The following AGBL1 variants were observed in gnomAD, a reference collection of about 807,000 sequenced individuals.
AGBL1 encodes AGBL carboxypeptidase 1, also known as cytosolic carboxypeptidase 4.
A neutral mutation model predicts 118.9 loss-of-function variants in AGBL1; 130 were observed. That is an observed-to-expected ratio of 1.09 (90% CI 0.95 to 1.26). The LOEUF (loss-of-function observed/expected upper bound fraction) is 1.26, where lower values mean the gene tolerates loss of function less well. AGBL1 is among the 50% of genes most tolerant of loss of function. The pLI is 0.00. For missense variants in AGBL1, 1,584 were observed against 1,298.1 expected (o/e 1.22, Z -3.38); for synonymous variants, 555 against 478.9 (o/e 1.16, Z -2.08).
At chr15:86,481,160 T>C (rs2082647342) in intron 18 of AGBL1, among the ~76,000 whole-genome samples, 2 of 151,718 alleles carry the variant, frequency 1.3e-5, no homozygotes, top group Admixed American at 1.3e-4. Context: ...GTCATTTTTC[T>C]GTCTCATTGG....
chr15:86,096,404 T>G (rs1896385298), intron 1 of AGBL1, among the ~76,000 whole-genome samples: 1 of 152,162 alleles, frequency 6.6e-6, no homozygotes, highest in South Asian at 2.1e-4. Flanking sequence ...TTTCTTTATG[T>G]GATACAGTGA....
At chr15:86,539,274 A>G (rs1227392279) in intron 19 of AGBL1, among the ~76,000 whole-genome samples, 1 of 152,170 alleles carries the variant, frequency 6.6e-6, no homozygotes, top group Non-Finnish European at 1.5e-5. Flanking sequence ...TGTTTACTTA[A>G]TCTGGAAATC....
chr15:86,175,719 A>G (rs1273725235), intron 5 of AGBL1, among the ~76,000 whole-genome samples: 1 of 152,178 alleles, frequency 6.6e-6, no homozygotes, highest in Non-Finnish European at 1.5e-5. Flanking sequence ...TTATTTCAAG[A>G]ATTTTTAAAT....
At chr15:86,184,931 G>A (rs1442297325) in intron 5 of AGBL1, among the ~76,000 whole-genome samples, 1 of 152,092 alleles carries the variant, frequency 6.6e-6, no homozygotes, top group East Asian at 1.9e-4. Context: ...TCTAATTAAA[G>A]AGCTTCTGCA....
intron 22 of AGBL1, among the ~76,000 whole-genome samples, chr15:86,806,226 C>G (rs1596498966): frequency 6.6e-6 from 1 of 152,220 alleles, no homozygotes; most frequent in East Asian, 1.9e-4. Flanking sequence ...CATAGACATA[C>G]TATAGATCAA....
chr15:86,572,179 G>T (rs112461741), intron 21 of AGBL1, among the ~76,000 whole-genome samples: 3 of 152,150 alleles, frequency 2.0e-5, no homozygotes, highest in Non-Finnish European at 4.4e-5. Flanking sequence ...TTCCGGGCCC[G>T]CAGGGGGAAG....
At chr15:86,856,644 G>A (rs142955911) in intron 22 of AGBL1, among the ~76,000 whole-genome samples, 1 of 152,320 alleles carries the variant, frequency 6.6e-6, no homozygotes, top group Non-Finnish European at 1.5e-5. Context: ...GTCCTTCACA[G>A]CAAAGCACAG....
intron 21 of AGBL1, among the ~76,000 whole-genome samples, chr15:86,635,808 A>G (rs2085072744): frequency 1.3e-5 from 2 of 152,204 alleles, no homozygotes; most frequent in African/African-American, 2.4e-5. Context: ...AGATTAAAAA[A>G]CATAATTTAT....
chr15:86,496,354 T>C (rs2082855558), intron 18 of AGBL1, among the ~76,000 whole-genome samples: 1 of 152,040 alleles, frequency 6.6e-6, no homozygotes, highest in Admixed American at 6.6e-5. Flanking sequence ...CCTCTTTTGT[T>C]TGTAAATCAC....
chr15:86,340,810 C>A lies in AGBL1; in HGVS notation c.2374+45402C>A, dbSNP rs192587002. On this transcript the variant is annotated intron_variant, in intron 17 of 22. Transcript: ENST00000614907. ...GGTTTTCCACTAATCCTCTGATGAT[C>A]CCCAAAGGAGGTGGCCTCTACCTTG... is the stretch of plus-strand genomic sequence containing the variant. Among the ~76,000 whole-genome samples, 24 of 152,230 alleles carry A rather than the reference C, an allele frequency of 1.6e-4. No individual in the cohort carries two copies. In the East Asian group the frequency reaches 4.1e-3, roughly 26 times the overall value.
rs547818294 is a variant in AGBL1, at chr15:86,642,127, C to T, written c.2995-32146C>T. The stretch of plus-strand genomic sequence containing the variant: ...AAAGCAAATCACACAAGCTCAACCT[C>T]AATGAAACAGGGAAATATATTTGGA... On this transcript the variant is annotated intron_variant, in intron 21 of 22. Transcript: ENST00000614907. Among the ~76,000 whole-genome samples, 8 of 152,206 alleles carry T rather than the reference C, an allele frequency of 5.3e-5. No homozygotes were observed. The South Asian group carries it at 1.4e-3, about 28-fold the overall frequency.
At chr15:86,828,914 GTA>G (rs3059643) in intron 22 of AGBL1, among the ~76,000 whole-genome samples, 10,693 of 141,668 alleles carry the variant, frequency 0.075, 426 homozygotes, top group East Asian at 0.19. Flanking sequence ...AAGTTCAAAA[GTA>G]TATATATATA....
At chr15:86,198,027 A>T (rs1254589983) in intron 5 of AGBL1, among the ~76,000 whole-genome samples, 3 of 152,180 alleles carry the variant, frequency 2.0e-5, no homozygotes, top group Admixed American at 6.5e-5. Flanking sequence ...CAAGAGGCCA[A>T]GCTATCTCTT....
chr15:86,255,788 A>AT (rs2078885903), intron 7 of AGBL1, among the ~76,000 whole-genome samples: 1 of 152,138 alleles, frequency 6.6e-6, no homozygotes. Context: ...TAAAAAAAAA[A>AT]GAAAGTTGAC....
rs565509867 is a variant in AGBL1, at chr15:86,285,895, CT to C, written c.2220+6117del. Among the ~76,000 whole-genome samples, 670 of 152,262 alleles carry C rather than the reference CT, an allele frequency of 4.4e-3. 3 individuals are homozygous for C. The highest frequency in any genetic ancestry group is 0.015 in the African/African-American group (642 of 41,552). ...TCATGTGCCCTATGATACTTTTTGA[CT>C]TTTTGTCTCTCATAGCTAATACTGC... On this transcript the variant is annotated intron_variant, in intron 16 of 22. Transcript: ENST00000614907.
At chr15:86,625,600 T>C (rs2084875426) in intron 21 of AGBL1, among the ~76,000 whole-genome samples, 1 of 152,014 alleles carries the variant, frequency 6.6e-6, no homozygotes, top group Non-Finnish European at 1.5e-5. Flanking sequence ...AGAATATATT[T>C]GAATAAGTCT....
intron 17 of AGBL1, among the ~76,000 whole-genome samples, chr15:86,321,567 G>A (rs2080105777): frequency 6.6e-6 from 1 of 151,286 alleles, no homozygotes; most frequent in Non-Finnish European, 1.5e-5. Context: ...TCAGGGGTTC[G>A]AGACCAGGCT....
Position 86,306,639 on chromosome 15 carries a change from A to G in AGBL1, c.2374+11231A>G, listed in dbSNP as rs186155549. On this transcript the variant is annotated intron_variant, in intron 17 of 22. Coordinates refer to ENST00000614907, the MANE Select transcript of AGBL1 (RefSeq NM_001386094.1). ...CTGCAATGAACATAGGAGTGCAAAT[A>G]TCTCTTTGATATACTGATTTCCTTT... Among the ~76,000 whole-genome samples, 10 of 152,296 alleles carry G rather than the reference A, an allele frequency of 6.6e-5. No individual in the cohort carries two copies. The East Asian group carries it at 1.9e-3, about 29-fold the overall frequency.
intron 18 of AGBL1, among the ~76,000 whole-genome samples, chr15:86,416,304 G>A (rs1007042154): frequency 6.6e-6 from 1 of 152,194 alleles, no homozygotes; most frequent in Non-Finnish European, 1.5e-5. Context: ...TGCTAGCATA[G>A]CTGAGATCAA....
Sources: allele counts gnomAD v4.1 joint callset (sites outside exome capture counted in the v4.1 genomes callset), GRCh38; gene constraint gnomAD v4.1.1; transcripts MANE v1.5; gene names NCBI Gene and HGNC (gene_info 2026-07-23, HGNC 2026-07-21).